The following POU6F2 variants were observed in gnomAD, a reference collection of about 807,000 sequenced individuals.
POU6F2 encodes POU class 6 homeobox 2, also known as POU domain, class 6, transcription factor 2.
In POU6F2, 31 loss-of-function variants were observed where a neutral mutation model predicts 71.3. That is an observed-to-expected ratio of 0.43 (90% CI 0.33 to 0.59). POU6F2 has a LOEUF of 0.59. POU6F2 is among the 20% of genes least tolerant of loss of function. The pLI, the probability that POU6F2 is intolerant of heterozygous loss-of-function variation, is 0.04. For missense variants in POU6F2, 783 were observed against 856.8 expected (o/e 0.91, Z 1.07); for synonymous variants, 347 against 355.7 (o/e 0.98, Z 0.27).
At chr7:39,112,850 G>C (rs1430020207) in intron 2 of POU6F2, among the ~76,000 whole-genome samples, 1 of 152,018 alleles carries the variant, frequency 6.6e-6, no homozygotes, top group Admixed American at 6.6e-5. Flanking sequence ...CTGTTCCCCA[G>C]AGAAAAGATA....
chr7:39,145,965 T>G (rs909309992), intron 2 of POU6F2, among the ~76,000 whole-genome samples: 1 of 152,206 alleles, frequency 6.6e-6, no homozygotes, highest in Non-Finnish European at 1.5e-5. Flanking sequence ...AATGCACTCA[T>G]TTTTAAAACA....
chr7:39,028,882 T>C (rs80080140), intron 1 of POU6F2, among the ~76,000 whole-genome samples: 1,607 of 152,224 alleles, frequency 0.011, 31 homozygotes, highest in African/African-American at 0.036. Flanking sequence ...CACAATTCAT[T>C]GCAGCCTCAA....
At chr7:39,037,496 G>C (rs1790091984) in intron 1 of POU6F2, among the ~76,000 whole-genome samples, 1 of 145,838 alleles carries the variant, frequency 6.9e-6, no homozygotes, top group African/African-American at 2.4e-5. Flanking sequence ...CAGAGATGAA[G>C]GTTGTCTTCT....
At position 39,074,862 on chromosome 7, in the gene POU6F2, C is replaced by T. The variant is rs146125295; in HGVS notation, c.106-10998C>T. Among the ~76,000 whole-genome samples, 17 of 152,258 alleles carry T rather than the reference C, an allele frequency of 1.1e-4. No homozygotes were observed. The East Asian group carries it at 2.5e-3, about 23-fold the overall frequency. ...TTTCTTATTATTACTAAGCAGTCGG[C>T]CTGCTATGAGCACTGTTTGTGAATT... On this transcript the variant is annotated intron_variant, in intron 1 of 9. Transcript: ENST00000518318.
At chr7:39,284,398 T>C (rs1231208930) in intron 4 of POU6F2, among the ~76,000 whole-genome samples, 1 of 152,246 alleles carries the variant, frequency 6.6e-6, no homozygotes, top group African/African-American at 2.4e-5. Flanking sequence ...TGGTGGGGTT[T>C]GAAAAGGCTG....
intron 1 of POU6F2, among the ~76,000 whole-genome samples, chr7:39,074,934 T>C (rs1477777670): frequency 1.3e-5 from 2 of 152,144 alleles, no homozygotes; most frequent in Non-Finnish European, 2.9e-5. Context: ...CATATACTGT[T>C]ATTACCCCAT....
In POU6F2 at chr7:39,002,645, C is replaced by T. The variant is rs997210112; in HGVS notation, c.105+24587C>T. On this transcript the variant is annotated intron_variant, in intron 1 of 9. Transcript: ENST00000518318. ...TATGGGTGTGAGCCACCACACCCGG[C>T]CAGTGATTTACAAAGTATTAAGGAG... Among the ~76,000 whole-genome samples, 10 of 152,320 alleles carry T rather than the reference C, an allele frequency of 6.6e-5. No homozygotes were observed. The East Asian group carries it at 1.7e-3, about 26-fold the overall frequency.
chr7:39,291,490 G>T (rs1281826881), intron 4 of POU6F2, among the ~76,000 whole-genome samples: 2 of 152,146 alleles, frequency 1.3e-5, no homozygotes, highest in Non-Finnish European at 2.9e-5. Context: ...AATTACACTG[G>T]ATCACAAGCT....
rs183292936 is a variant in POU6F2 at position 38,988,688 on chromosome 7, G to A, written c.105+10630G>A. ...TTAATCCTCACGCCAGGTCTGTAAG[G>A]TAGGTACTGTTGTTATTTCCATTTT... On this transcript the variant is annotated intron_variant, in intron 1 of 9. Transcript: ENST00000518318. Among the ~76,000 whole-genome samples, 5 of 152,196 alleles carry A rather than the reference G, an allele frequency of 3.3e-5. No homozygotes were observed. In the East Asian group the frequency reaches 9.7e-4, roughly 29 times the overall value.
At chr7:39,396,657 A>G (rs2237404) in intron 5 of POU6F2, among the ~76,000 whole-genome samples, 50,339 of 152,006 alleles carry the variant, frequency 0.33, 8,710 homozygotes, top group East Asian at 0.6. Context: ...TCAGTGCCCA[A>G]GTGGCCTGAT....
chr7:39,329,360 G>T (rs1785587275), intron 4 of POU6F2, among the ~76,000 whole-genome samples: 1 of 151,472 alleles, frequency 6.6e-6, no homozygotes, highest in Non-Finnish European at 1.5e-5. Context: ...TTATAAATTT[G>T]CTCCATGGAA....
In POU6F2 at chr7:39,421,536, G is replaced by T. The variant is rs557935212; in HGVS notation, c.1114-11541G>T. ...TAATTTAAATTCAGCTTTACAGCTT[G>T]TATGTGCTCACTGAGTATAAACACA... On this transcript the variant is annotated intron_variant, in intron 6 of 9. Transcript: ENST00000518318. 2.0e-5 allele frequency among the ~76,000 whole-genome samples: 3 copies of T among 152,200 alleles called. No individual in the cohort carries two copies. In the East Asian group the frequency reaches 5.8e-4, roughly 29 times the overall value.
chr7:39,383,307 A>G (rs1786868493), intron 5 of POU6F2, among the ~76,000 whole-genome samples: 1 of 152,208 alleles, frequency 6.6e-6, no homozygotes, highest in African/African-American at 2.4e-5. Flanking sequence ...CAGCCATTCA[A>G]AAATCCTGGT....
chr7:39,003,583 CA>C (rs10650128), intron 1 of POU6F2, among the ~76,000 whole-genome samples: 125 of 128,346 alleles, frequency 9.7e-4, no homozygotes, highest in Middle Eastern at 3.9e-3. Flanking sequence ...ACTAAAAATA[CA>C]AAAAAAAAAA....
At chr7:39,358,024 A>G (rs1298640382) in intron 5 of POU6F2, among the ~76,000 whole-genome samples, 1 of 152,222 alleles carries the variant, frequency 6.6e-6, no homozygotes, top group Non-Finnish European at 1.5e-5. Context: ...CAAAAGACAC[A>G]GCACCAATCT....
At chr7:39,458,435 C>A (rs1483598382) in intron 8 of POU6F2, among the ~76,000 whole-genome samples, 2 of 151,882 alleles carry the variant, frequency 1.3e-5, no homozygotes, top group Non-Finnish European at 2.9e-5. Context: ...TTGCACACTG[C>A]TCATTTGCAA....
intron 1 of POU6F2, among the ~76,000 whole-genome samples, chr7:39,058,538 T>C (rs1161539487): frequency 6.6e-6 from 1 of 152,214 alleles, no homozygotes; most frequent in Non-Finnish European, 1.5e-5. Flanking sequence ...GAAATCATCT[T>C]TTTCCATCAC....
intron 2 of POU6F2, among the ~76,000 whole-genome samples, chr7:39,141,916 T>C (rs36039444): frequency 0.03 from 4,522 of 152,070 alleles, 94 homozygotes; most frequent in Middle Eastern, 0.078. Flanking sequence ...TGAAACTCCA[T>C]CTCTACCAAA....
chr7:39,310,713 C>T (rs989595021), intron 4 of POU6F2, among the ~76,000 whole-genome samples: 1 of 152,156 alleles, frequency 6.6e-6, no homozygotes, highest in African/African-American at 2.4e-5. Context: ...TCACCTAGAA[C>T]TAAAAGAAAG....
Sources: gnomAD v4.1 joint callset for allele counts (sites outside exome capture counted in the v4.1 genomes callset) on GRCh38, gnomAD v4.1.1 for gene constraint, MANE v1.5 for transcripts, NCBI Gene and HGNC (gene_info 2026-07-23, HGNC 2026-07-21) for gene names.